Variants in DACH1 observed in about 807,000 individuals in gnomAD.
DACH1 encodes the protein dachshund family transcription factor 1.
Under a neutral mutation model 54.2 loss-of-function variants are expected in DACH1, and 12 were observed. The ratio of observed to expected loss-of-function variants is 0.22; its 90% confidence interval spans 0.14 to 0.36. The LOEUF (loss-of-function observed/expected upper bound fraction) is 0.36, where lower values mean the gene tolerates loss of function less well. DACH1 is among the 10% of genes least tolerant of loss of function. The probability of loss-of-function intolerance (pLI) is 1.00; values close to 1 mark genes in which losing one functional copy is unlikely to be tolerated. For missense variants in DACH1, 805 were observed against 929.8 expected (o/e 0.87, Z 1.75); for synonymous variants, 386 against 366.2 (o/e 1.05, Z -0.62).
At chr13:71,751,906 T>C (rs1281887148) in intron 1 of DACH1, among the ~76,000 whole-genome samples, 1 of 152,154 alleles carries the variant, frequency 6.6e-6, no homozygotes, top group Non-Finnish European at 1.5e-5. Flanking sequence ...ATTTAAAAAC[T>C]TTTATGTGTG....
intron 3 of DACH1, among the ~76,000 whole-genome samples, chr13:71,627,415 T>C (rs773942867): frequency 6.6e-6 from 1 of 151,200 alleles, no homozygotes; most frequent in Non-Finnish European, 1.5e-5. Flanking sequence ...GAGCCTTGAA[T>C]TGTCTTCAGA....
At chr13:71,545,320 A>G (rs1883390719) in intron 6 of DACH1, among the ~76,000 whole-genome samples, 1 of 152,040 alleles carries the variant, frequency 6.6e-6, no homozygotes, top group South Asian at 2.1e-4. Flanking sequence ...TGAATTCAAG[A>G]TTTTTCCATA....
intron 1 of DACH1, among the ~76,000 whole-genome samples, chr13:71,816,446 C>T (rs1887923728): frequency 6.6e-6 from 1 of 151,674 alleles, no homozygotes; most frequent in Non-Finnish European, 1.5e-5. Flanking sequence ...TATAAAGACA[C>T]ATGCATGTGC....
chr13:71,866,049 C>A lies in DACH1; in HGVS notation c.721G>T (p.Val241Leu). ...CGAACTTGTTCCACATTGCACACCACCGGCGTGATCTCCAGCCGCTTCAGC... is the reference window on the plus strand; with the variant it reads ...CGAACTTGTTCCACATTGCACACCAACGGCGTGATCTCCAGCCGCTTCAGC... ...TKLKRLEITP[V>L]VCNVEQVRIL... The change falls in exon 1 of 11, where the codon GTG becomes TTG. Residue 241 changes from valine (V) to leucine (L), a missense_variant. Physicochemically the swap from Val to Leu is conservative, Grantham distance 32. Coordinates refer to ENST00000613252, the MANE Select transcript of DACH1 (RefSeq NM_080759.6). 6.2e-7 allele frequency: 1 copy of A among 1,613,904 alleles called. No individual in the cohort carries two copies. The highest frequency in any genetic ancestry group is 1.1e-5 in the South Asian group (1 of 91,078).
chr13:71,503,208 T>C (rs938722699), intron 6 of DACH1, among the ~76,000 whole-genome samples: 2 of 152,164 alleles, frequency 1.3e-5, no homozygotes, highest in African/African-American at 4.8e-5. Flanking sequence ...CATCAAAAAT[T>C]ATTATCAAAT....
At chr13:71,609,819 G>A (rs922790885) in intron 3 of DACH1, among the ~76,000 whole-genome samples, 1 of 152,076 alleles carries the variant, frequency 6.6e-6, no homozygotes, top group African/African-American at 2.4e-5. Context: ...GAGCCACTGC[G>A]CCCAGCCAGA....
chr13:71,786,392 C>T (rs562132097), intron 1 of DACH1, among the ~76,000 whole-genome samples: 171 of 152,170 alleles, frequency 1.1e-3, no homozygotes, highest in Middle Eastern at 6.8e-3. Flanking sequence ...GTTGACATGG[C>T]GGCCACAGCT....
intron 2 of DACH1, among the ~76,000 whole-genome samples, chr13:71,668,917 C>T (rs1880042902): frequency 6.6e-6 from 1 of 152,008 alleles, no homozygotes; most frequent in South Asian, 2.1e-4. Context: ...AAGAACAAAA[C>T]TCTGTCTCAA....
intron 10 of DACH1, among the ~76,000 whole-genome samples, chr13:71,444,257 G>C (rs757243553): frequency 3.3e-5 from 5 of 152,048 alleles, no homozygotes; most frequent in African/African-American, 9.7e-5. Flanking sequence ...ACAGAGAATA[G>C]AGAAGTATCC....
chr13:71,511,147 C>T (rs530135846), intron 6 of DACH1, among the ~76,000 whole-genome samples: 32 of 152,068 alleles, frequency 2.1e-4, no homozygotes, highest in African/African-American at 7.5e-4. Flanking sequence ...ATTACACATC[C>T]CAATCCATAT....
At chr13:71,762,213 TC>T (rs1035523996) in intron 1 of DACH1, among the ~76,000 whole-genome samples, 1 of 151,948 alleles carries the variant, frequency 6.6e-6, no homozygotes, top group Non-Finnish European at 1.5e-5. Flanking sequence ...ATCGACTTAC[TC>T]CCCCATGCCA....
chr13:71,804,628 T>G lies in DACH1; in HGVS notation c.848+61294A>C, dbSNP rs541707060. On this transcript the variant is annotated intron_variant, in intron 1 of 10. Transcript: ENST00000613252. ...TCATTAGCTACATGATTGGACCTCT[T>G]CTTGCCAAAGCGCTGCATTTGCTCA... is the stretch of plus-strand genomic sequence containing the variant. Among the ~76,000 whole-genome samples the G allele has an allele frequency of 1.5e-3, 228 of 152,288 alleles. No individual in the cohort carries two copies. In the Middle Eastern group the frequency reaches 0.017, roughly 11 times the overall value.
At chr13:71,726,847 A>C (rs1470897875) in intron 1 of DACH1, among the ~76,000 whole-genome samples, 3 of 152,008 alleles carry the variant, frequency 2.0e-5, no homozygotes, top group Non-Finnish European at 4.4e-5. Context: ...ATTTTTTAGT[A>C]AAGTTTTAAT....
In DACH1 at chr13:71,743,756, T is replaced by G. The variant is rs1353753121; in HGVS notation, c.849-61846A>C. On this transcript the variant is annotated intron_variant, in intron 1 of 10. Coordinates refer to ENST00000613252, the MANE Select transcript of DACH1 (RefSeq NM_080759.6). Reference sequence around the variant, plus strand: ...TATGAATGTTTGAAAAAAAGTTTTCTAATTTGTTCATGTTAGCAAAAAAGA... The same window carrying G: ...TATGAATGTTTGAAAAAAAGTTTTCGAATTTGTTCATGTTAGCAAAAAAGA... 2.6e-5 allele frequency among the ~76,000 whole-genome samples: 4 copies of G among 152,308 alleles called. No individual in the cohort carries two copies. In the East Asian group the frequency reaches 7.7e-4, roughly 29 times the overall value.
intron 1 of DACH1, among the ~76,000 whole-genome samples, chr13:71,735,218 T>A (rs1883980125): frequency 6.7e-6 from 1 of 149,150 alleles, no homozygotes; most frequent in African/African-American, 2.5e-5. Flanking sequence ...GTATATGGGA[T>A]ATACATATGT....
At chr13:71,737,148 G>A (rs1466155764) in intron 1 of DACH1, among the ~76,000 whole-genome samples, 3 of 151,936 alleles carry the variant, frequency 2.0e-5, no homozygotes, top group Admixed American at 6.6e-5. Flanking sequence ...GCTTGAACCC[G>A]AGAGGCAGAG....
chr13:71,650,988 T>C (rs1004381867), intron 2 of DACH1, among the ~76,000 whole-genome samples: 1 of 152,210 alleles, frequency 6.6e-6, no homozygotes, highest in Non-Finnish European at 1.5e-5. Context: ...AAGCATCTTA[T>C]TACTTTTTAT....
intron 1 of DACH1, among the ~76,000 whole-genome samples, chr13:71,774,554 T>A (rs1302907451): frequency 6.6e-6 from 1 of 152,132 alleles, no homozygotes; most frequent in African/African-American, 2.4e-5. Flanking sequence ...AGAAACCGTA[T>A]AATTTAGTTA....
chr13:71,650,575 C>T (rs1409329546), intron 2 of DACH1, among the ~76,000 whole-genome samples: 2 of 151,890 alleles, frequency 1.3e-5, no homozygotes, highest in East Asian at 3.9e-4. Context: ...GGTAAATAGA[C>T]CCATTTAAGC....
Sources: gnomAD v4.1 joint callset for allele counts (sites outside exome capture counted in the v4.1 genomes callset) on GRCh38, gnomAD v4.1.1 for gene constraint, MANE v1.5 for transcripts, NCBI Gene and HGNC (gene_info 2026-07-23, HGNC 2026-07-21) for gene names.